The following GPR158 variants were observed in gnomAD, a reference collection of about 807,000 sequenced individuals.
The protein encoded by GPR158 is metabotropic glycine receptor.
In GPR158, 30 loss-of-function variants were observed where a neutral mutation model predicts 78.2. That is an observed-to-expected ratio of 0.38 (90% CI 0.29 to 0.52). GPR158 has a LOEUF of 0.52. Among genes scored for constraint, GPR158 ranks in the 20% least tolerant of loss-of-function variants. The probability of loss-of-function intolerance (pLI) is 0.83; values close to 1 mark genes in which losing one functional copy is unlikely to be tolerated. For missense variants in GPR158, 1,463 were observed against 1,523.5 expected (o/e 0.96, Z 0.66); for synonymous variants, 581 against 591.1 (o/e 0.98, Z 0.25).
chr10:25,202,701 G>T (rs1852951505), intron 1 of GPR158, among the ~76,000 whole-genome samples: 1 of 152,168 alleles, frequency 6.6e-6, no homozygotes, highest in Non-Finnish European at 1.5e-5. Context: ...TGTGAATAGT[G>T]CTGCAATAAA....
At chr10:25,385,685 G>A (rs1754257) in intron 2 of GPR158, among the ~76,000 whole-genome samples, 107,258 of 151,954 alleles carry the variant, frequency 0.71, 38,829 homozygotes, top group African/African-American at 0.77. Context: ...ATAATATCTC[G>A]TTGTGGTTTT....
At chr10:25,468,545 C>T (rs983409724) in intron 5 of GPR158, among the ~76,000 whole-genome samples, 1 of 152,186 alleles carries the variant, frequency 6.6e-6, no homozygotes, top group African/African-American at 2.4e-5. Flanking sequence ...CGCTTTCCTT[C>T]TTCCTTCTCC....
intron 2 of GPR158, among the ~76,000 whole-genome samples, chr10:25,320,960 C>T (rs1304920218): frequency 6.6e-6 from 1 of 152,148 alleles, no homozygotes; most frequent in Admixed American, 6.5e-5. Context: ...CAATGGCATT[C>T]ATATGTAACA....
chr10:25,493,963 C>G (rs1042219281), intron 5 of GPR158, among the ~76,000 whole-genome samples: 1 of 152,132 alleles, frequency 6.6e-6, no homozygotes, highest in African/African-American at 2.4e-5. Flanking sequence ...ATAAATGACT[C>G]CCTGTAAGAT....
chr10:25,239,276 G>A (rs931490252), intron 2 of GPR158, among the ~76,000 whole-genome samples: 12 of 152,184 alleles, frequency 7.9e-5, no homozygotes, highest in South Asian at 6.2e-4. Context: ...ACGCCCAGCC[G>A]CAACCAAACT....
chr10:25,237,050 G>A (rs577381802), intron 2 of GPR158, among the ~76,000 whole-genome samples: 13 of 152,188 alleles, frequency 8.5e-5, no homozygotes, highest in Non-Finnish European at 1.3e-4. Flanking sequence ...TTAATAATCC[G>A]GAGTGATCGA....
At chr10:25,405,803 G>GTT (rs1256886237) in intron 3 of GPR158, among the ~76,000 whole-genome samples, 2 of 151,940 alleles carry the variant, frequency 1.3e-5, no homozygotes, top group African/African-American at 4.8e-5. Flanking sequence ...ATGACCACAG[G>GTT]CAAGAATAAA....
intron 5 of GPR158, 38 bp from the exon 6 acceptor site, chr10:25,550,938 G>A: frequency 9.5e-7 from 1 of 1,057,798 alleles, no homozygotes; most frequent in Non-Finnish European, 1.5e-6. Flanking sequence ...TGGGTCATCA[G>A]TTGATCCTGA....
At chr10:25,359,665 G>C (rs1022501604) in intron 2 of GPR158, among the ~76,000 whole-genome samples, 1 of 152,092 alleles carries the variant, frequency 6.6e-6, no homozygotes, top group Non-Finnish European at 1.5e-5. Flanking sequence ...TCATTGATGG[G>C]CATTTTGGTT....
chr10:25,471,556 G>C (rs972544300), intron 5 of GPR158, among the ~76,000 whole-genome samples: 1 of 152,118 alleles, frequency 6.6e-6, no homozygotes, highest in African/African-American at 2.4e-5. Context: ...CACAATGGTT[G>C]AACTAGTTTA....
chr10:25,501,847 C>A (rs1835948852), intron 5 of GPR158, among the ~76,000 whole-genome samples: 1 of 152,174 alleles, frequency 6.6e-6, no homozygotes. Flanking sequence ...AGAAAAGAAA[C>A]TACCCAACTT....
Position 25,317,635 on chromosome 10 carries a change from G to A in GPR158, c.1009-78276G>A, listed in dbSNP as rs1017578698. On this transcript the variant is annotated intron_variant, in intron 2 of 10. Coordinates refer to ENST00000376351, the MANE Select transcript of GPR158 (RefSeq NM_020752.3). ...TATTTAATTCAGTTGGATTATTGTG[G>A]TATAGTCTTCTTTTGCTTTGTGTTT... 2.3e-4 allele frequency among the ~76,000 whole-genome samples: 35 copies of A among 151,182 alleles called. 1 individual carries two copies. The highest frequency in any genetic ancestry group is 2.0e-4 in the Admixed American group (3 of 15,214).
At chr10:25,484,902 AC>A (rs1835712349) in intron 5 of GPR158, among the ~76,000 whole-genome samples, 1 of 152,198 alleles carries the variant, frequency 6.6e-6, no homozygotes, top group Admixed American at 6.5e-5. Context: ...AACAATCTAT[AC>A]TTTAGATATT....
At chr10:25,424,659 G>C (rs938730421) in intron 4 of GPR158, among the ~76,000 whole-genome samples, 25 of 151,670 alleles carry the variant, frequency 1.6e-4, no homozygotes, top group Non-Finnish European at 3.1e-4. Flanking sequence ...CCCATTTCTT[G>C]TTTTTGTCAG....
chr10:25,187,460 A>T (rs1360878952), intron 1 of GPR158, among the ~76,000 whole-genome samples: 9 of 152,206 alleles, frequency 5.9e-5, no homozygotes, highest in Non-Finnish European at 1.2e-4. Flanking sequence ...CATCCCTGGG[A>T]TGCAAGGCTA....
intron 5 of GPR158, among the ~76,000 whole-genome samples, chr10:25,469,601 G>T (rs913233832): frequency 1.3e-5 from 2 of 151,876 alleles, no homozygotes; most frequent in Non-Finnish European, 2.9e-5. Context: ...TGTCTAACAC[G>T]GTGAAACCCC....
At chr10:25,393,588 A>G (rs1252962096) in intron 2 of GPR158, 1 of 152,140 alleles carries the variant, frequency 6.6e-6, no homozygotes, top group Non-Finnish European at 1.5e-5. Context: ...CCCGAGTCTC[A>G]CCACTTGGAT....
chr10:25,275,099 T>C (rs538409612), intron 2 of GPR158, among the ~76,000 whole-genome samples: 3 of 152,350 alleles, frequency 2.0e-5, no homozygotes, highest in South Asian at 2.1e-4. Context: ...TAAAAGATCA[T>C]GTGCTGGGAT....
chr10:25,375,797 A>G (rs1214351720), intron 2 of GPR158, among the ~76,000 whole-genome samples: 1 of 151,592 alleles, frequency 6.6e-6, no homozygotes, highest in Non-Finnish European at 1.5e-5. Flanking sequence ...GTAGCTTTGT[A>G]ATGAGTTATA....
Sources: allele counts gnomAD v4.1 joint callset (sites outside exome capture counted in the v4.1 genomes callset), GRCh38; gene constraint gnomAD v4.1.1; transcripts MANE v1.5; gene names NCBI Gene and HGNC (gene_info 2026-07-23, HGNC 2026-07-21).